The following ALK variants were observed in gnomAD, a reference collection of about 807,000 sequenced individuals.
ALK encodes the protein ALK tyrosine kinase receptor.
A neutral mutation model predicts 163.1 loss-of-function variants in ALK; 74 were observed. That is an observed-to-expected ratio of 0.45 (90% CI 0.38 to 0.55). The LOEUF is 0.55. Ranked by LOEUF, ALK falls within the 20% of genes least tolerant of loss-of-function variation. The pLI, the probability that ALK is intolerant of heterozygous loss-of-function variation, is 0.00. For missense variants in ALK, 2,063 were observed against 2,105.3 expected (o/e 0.98, Z 0.39); for synonymous variants, 960 against 843.2 (o/e 1.14, Z -2.40).
intron 1 of ALK, among the ~76,000 whole-genome samples, chr2:29,801,553 G>C (rs1321267616): frequency 6.6e-6 from 1 of 152,198 alleles, no homozygotes; most frequent in African/African-American, 2.4e-5. Flanking sequence ...TCAAGGATCA[G>C]GGATGCCACA....
At position 29,920,185 on chromosome 2, in the gene ALK, CG is replaced by C. The variant is rs1244823020; in HGVS notation, c.474del (p.Glu160ArgfsTer26). 6.2e-7 allele frequency: 1 copy of C among 1,613,370 alleles called. No homozygotes were observed. Among genetic ancestry groups the C allele is most frequent in the Non-Finnish European group, 8.5e-7 (1 of 1,180,002 alleles). ...EAILEGCVGP[P>X]GEAAVGLLQF... ...TGGAGCAGCCCCACAGCCGCCTCCC[CG>C]GGGGGCCCGACGCAACCCTCCAAGA... On this transcript the variant is annotated frameshift_variant, in exon 1 of 29. Transcript: ENST00000389048. LOFTEE classifies it high-confidence loss of function.
chr2:29,853,496 C>T (rs1055555853), intron 1 of ALK, among the ~76,000 whole-genome samples: 1 of 152,162 alleles, frequency 6.6e-6, no homozygotes, highest in Non-Finnish European at 1.5e-5. Context: ...ACCTTGCTCT[C>T]CCCACTTCTA....
At chr2:29,768,046 T>C (rs1247908089) in intron 1 of ALK, among the ~76,000 whole-genome samples, 1 of 152,102 alleles carries the variant, frequency 6.6e-6, no homozygotes, top group Non-Finnish European at 1.5e-5. Context: ...CTGGGGAGCA[T>C]CCTAGGAGTT....
intron 23 of ALK, among the ~76,000 whole-genome samples, chr2:29,214,720 C>T (rs1669555214): frequency 1.3e-5 from 2 of 152,214 alleles, no homozygotes; most frequent in Non-Finnish European, 2.9e-5. Flanking sequence ...GCTTCCTGGA[C>T]AGCCTTGCTG....
intron 1 of ALK, among the ~76,000 whole-genome samples, chr2:29,905,021 A>T (rs1238586175): frequency 2.0e-5 from 3 of 152,238 alleles, no homozygotes; most frequent in African/African-American, 4.8e-5. Context: ...ATACACATGC[A>T]CATATAAAAT....
chr2:29,644,234 A>T (rs1305120327), intron 3 of ALK, among the ~76,000 whole-genome samples: 1 of 111,498 alleles, frequency 9.0e-6, no homozygotes, highest in African/African-American at 3.5e-5. Flanking sequence ...AACATCACAC[A>T]CTGGGGCCTG....
intron 3 of ALK, among the ~76,000 whole-genome samples, chr2:29,560,020 A>AT: frequency 6.6e-6 from 1 of 152,322 alleles, no homozygotes; most frequent in South Asian, 2.1e-4. Context: ...ATATTTCATT[A>AT]TTTGGAAAGC....
At chr2:29,747,776 T>C (rs551904609) in intron 1 of ALK, among the ~76,000 whole-genome samples, 6 of 152,252 alleles carry the variant, frequency 3.9e-5, no homozygotes, top group African/African-American at 1.4e-4. Flanking sequence ...CCAAATCCAA[T>C]ACCTTTTCAT....
intron 3 of ALK, among the ~76,000 whole-genome samples, chr2:29,673,573 T>C (rs1677775093): frequency 7.4e-6 from 1 of 134,284 alleles, no homozygotes; most frequent in Non-Finnish European, 1.6e-5. Context: ...CTGTTTTGGT[T>C]ACTGTAGCCT....
chr2:29,238,875 C>A, intron 13 of ALK, among the ~76,000 whole-genome samples: 1 of 152,170 alleles, frequency 6.6e-6, no homozygotes, highest in Non-Finnish European at 1.5e-5. Context: ...TTAAAAAAGA[C>A]GCGGTCCCGT....
rs773644242 is a variant in ALK, at chr2:29,229,071, G to A, written c.2633-5C>T. 14 of 1,613,666 alleles carry A rather than the reference G, an allele frequency of 8.7e-6. No individual in the cohort carries two copies. The highest frequency in any genetic ancestry group is 4.5e-5 in the East Asian group (2 of 44,848). On this transcript the variant is annotated splice_region_variant and splice_polypyrimidine_tract_variant and intron_variant, in intron 15 of 28. Transcript: ENST00000389048. Reference sequence around the variant, plus strand: ...CATTCCAGCCACCTCCACCACCTGCGGGAAGAGATAGGGAACCTGCGTGAG... The same window carrying A: ...CATTCCAGCCACCTCCACCACCTGCAGGAAGAGATAGGGAACCTGCGTGAG...
intron 5 of ALK, among the ~76,000 whole-genome samples, chr2:29,332,191 C>A (rs2148262227): frequency 7.0e-6 from 1 of 142,396 alleles, no homozygotes; most frequent in Admixed American, 7.5e-5. Flanking sequence ...GAGACTGAGG[C>A]AGGAGAACCG....
intron 3 of ALK, among the ~76,000 whole-genome samples, chr2:29,543,589 A>G (rs2148168253): frequency 6.6e-6 from 1 of 152,308 alleles, no homozygotes; most frequent in Middle Eastern, 3.4e-3. Flanking sequence ...GGAAAATGAT[A>G]TTGAAAAAGG....
intron 18 of ALK, among the ~76,000 whole-genome samples, chr2:29,225,989 G>A (rs902347289): frequency 1.3e-5 from 2 of 152,278 alleles, no homozygotes; most frequent in South Asian, 2.1e-4. Context: ...ACAGTGGGGA[G>A]GGGTCCTGTG....
At chr2:29,919,446 G>A (rs961172468) in intron 1 of ALK, among the ~76,000 whole-genome samples, 3 of 151,996 alleles carry the variant, frequency 2.0e-5, no homozygotes, top group Non-Finnish European at 4.4e-5. Context: ...GGGAGGGGGA[G>A]AATAAATAAA....
intron 1 of ALK, among the ~76,000 whole-genome samples, chr2:29,843,369 C>T (rs1047823792): frequency 2.0e-5 from 3 of 151,762 alleles, no homozygotes; most frequent in South Asian, 4.2e-4. Context: ...GTATGGTGTG[C>T]GTGTGTGTCA....
At chr2:29,686,231 T>G (rs1216334475) in intron 3 of ALK, among the ~76,000 whole-genome samples, 1 of 152,222 alleles carries the variant, frequency 6.6e-6, no homozygotes, top group Non-Finnish European at 1.5e-5. Flanking sequence ...TAGAATCTAA[T>G]CTGACAAGTT....
At chr2:29,558,649 C>T (rs1250505837) in intron 3 of ALK, among the ~76,000 whole-genome samples, 2 of 152,096 alleles carry the variant, frequency 1.3e-5, no homozygotes, top group African/African-American at 2.4e-5. Flanking sequence ...TTTCCAACTT[C>T]CTCAAGCAGA....
At chr2:29,888,393 A>G (rs1667048558) in intron 1 of ALK, among the ~76,000 whole-genome samples, 1 of 152,310 alleles carries the variant, frequency 6.6e-6, no homozygotes, top group East Asian at 1.9e-4. Context: ...AAGATAAAAT[A>G]TGGTGATGTC....
Sources: gnomAD v4.1 joint callset for allele counts (sites outside exome capture counted in the v4.1 genomes callset) on GRCh38, gnomAD v4.1.1 for gene constraint, MANE v1.5 for transcripts, NCBI Gene and HGNC (gene_info 2026-07-23, HGNC 2026-07-21) for gene names.